The following SLC39A10 variants were observed in gnomAD, a reference collection of about 807,000 sequenced individuals.
SLC39A10 encodes solute carrier family 39 member 10, also known as zinc transporter ZIP10.
Under a neutral mutation model 65.1 loss-of-function variants are expected in SLC39A10, and 13 were observed. The observed-to-expected ratio is 0.20, with a 90% CI of 0.13 to 0.32. SLC39A10 has a LOEUF of 0.32. Among genes scored for constraint, SLC39A10 ranks in the 10% least tolerant of loss-of-function variants. The pLI is 1.00. For synonymous variants in SLC39A10, 321 were observed against 342.2 expected (o/e 0.94, Z 0.68); for missense variants, 831 against 1,018.4 (o/e 0.82, Z 2.50).
intron 9 of SLC39A10, among the ~76,000 whole-genome samples, chr2:195,729,756 A>G (rs1273831783): frequency 6.6e-6 from 1 of 151,922 alleles, no homozygotes; most frequent in Non-Finnish European, 1.5e-5. Context: ...CCCTTTAGCT[A>G]TCACCCTATT....
intron 2 of SLC39A10, among the ~76,000 whole-genome samples, chr2:195,627,330 C>T (rs975766404): frequency 6.6e-6 from 1 of 152,148 alleles, no homozygotes; most frequent in Non-Finnish European, 1.5e-5. Flanking sequence ...ATAGCTACAA[C>T]TTCAATAATT....
At position 195,728,728 on chromosome 2, in the gene SLC39A10, T is replaced by G. The variant is rs984842060; in HGVS notation, c.2337+379T>G. On this transcript the variant is annotated intron_variant, in intron 9 of 9. Transcript: ENST00000359634. The surrounding 1 kb of genome is among the most constrained non-coding windows in gnomAD (Gnocchi z 4.4). ...CTATTCCTGTTAGGTAAGCCAGTCT[T>G]CTGGAAGGAAGTGGTATATATTCCA... Among the ~76,000 whole-genome samples, 12 of 152,198 alleles carry G rather than the reference T, an allele frequency of 7.9e-5. No individual in the cohort carries two copies. The highest frequency in any genetic ancestry group is 1.5e-5 in the Non-Finnish European group (1 of 68,030).
intron 2 of SLC39A10, among the ~76,000 whole-genome samples, chr2:195,646,469 T>A: frequency 6.6e-6 from 1 of 152,188 alleles, no homozygotes; most frequent in East Asian, 1.9e-4. Flanking sequence ...GTTATGCAGC[T>A]CTGTAGGTCT....
At chr2:195,696,269 T>A (rs1414709312) in intron 3 of SLC39A10, among the ~76,000 whole-genome samples, 1 of 151,798 alleles carries the variant, frequency 6.6e-6, no homozygotes, top group Non-Finnish European at 1.5e-5. Context: ...CTATTTTGGG[T>A]TCCTTGCAGT....
intron 8 of SLC39A10, among the ~76,000 whole-genome samples, chr2:195,723,846 A>G (rs1692139744): frequency 1.3e-5 from 2 of 152,128 alleles, no homozygotes; most frequent in African/African-American, 4.8e-5. Context: ...TCATACCCCC[A>G]CACCTCAGCA....
intron 6 of SLC39A10, among the ~76,000 whole-genome samples, chr2:195,715,519 C>CTT (rs1419623765): frequency 9.0e-6 from 1 of 111,606 alleles, no homozygotes; most frequent in African/African-American, 3.7e-5. Context: ...GAGTGAGACT[C>CTT]TGTCTCAAAA....
intron 2 of SLC39A10, among the ~76,000 whole-genome samples, chr2:195,625,883 C>T (rs575887607): frequency 1.3e-5 from 2 of 152,278 alleles, no homozygotes; most frequent in South Asian, 4.1e-4. Flanking sequence ...CTCCAGGGAT[C>T]GAGCAATTCT....
chr2:195,665,800 A>AT (rs1689613164), intron 1 of SLC39A10, among the ~76,000 whole-genome samples: 1 of 151,998 alleles, frequency 6.6e-6, no homozygotes, highest in Non-Finnish European at 1.5e-5. Context: ...CTTGCAGCTG[A>AT]TTTTCAGTTC....
intron 2 of SLC39A10, among the ~76,000 whole-genome samples, chr2:195,628,817 A>G (rs569550589): frequency 1.4e-3 from 210 of 152,258 alleles, no homozygotes; most frequent in African/African-American, 4.5e-3. Context: ...TTCTTAAGCA[A>G]TGTTATCCAG....
At chr2:195,714,756 A>G (rs1450583730) in intron 6 of SLC39A10, among the ~76,000 whole-genome samples, 1 of 152,174 alleles carries the variant, frequency 6.6e-6, no homozygotes, top group Admixed American at 6.5e-5. Context: ...CTGTAATGCT[A>G]CAAACCTTTT....
At chr2:195,643,357 T>C (rs1338949710) in intron 2 of SLC39A10, among the ~76,000 whole-genome samples, 3 of 152,190 alleles carry the variant, frequency 2.0e-5, no homozygotes, top group Non-Finnish European at 4.4e-5. Flanking sequence ...CATACAAGGA[T>C]GTTCACTTAG....
rs374122771 is a variant in SLC39A10 at position 195,618,517 on chromosome 2, G to A, written c.-12+12284G>A. 6.6e-5 allele frequency among the ~76,000 whole-genome samples: 10 copies of A among 152,290 alleles called. No homozygotes were observed. The East Asian group carries it at 7.7e-4, about 12-fold the overall frequency. ...TTCAATCTGTATAGCTAGATGGATA[G>A]CTAATATTTTACATAGGTGTTGTCA... On this transcript the variant is annotated intron_variant, in intron 2 of 2. Coordinates refer to the SLC39A10 transcript ENST00000458054.
chr2:195,651,080 GTTT>G (rs35709403), intron 2 of SLC39A10, among the ~76,000 whole-genome samples: 1 of 142,654 alleles, frequency 7.0e-6, no homozygotes, highest in Non-Finnish European at 1.5e-5. Context: ...CAAAAAAAAT[GTTT>G]TTTTTTTTTT....
In SLC39A10 at chr2:195,718,848, C is replaced by T. The variant is rs76051191; in HGVS notation, c.2146+516C>T. ...GATAGATAGGTTCTTAACTCGGTTACTAACCAGCACTGAGGTTTTAGAGTA... is the reference window on the plus strand; with the variant it reads ...GATAGATAGGTTCTTAACTCGGTTATTAACCAGCACTGAGGTTTTAGAGTA... On this transcript the variant is annotated intron_variant, in intron 8 of 9. Coordinates refer to ENST00000359634, the MANE Select transcript of SLC39A10 (RefSeq NM_020342.3). Among the ~76,000 whole-genome samples, 1,325 of 152,136 alleles carry T rather than the reference C, an allele frequency of 8.7e-3. 18 individuals are homozygous for T. Among genetic ancestry groups the T allele is most frequent in the African/African-American group, 0.031 (1,280 of 41,530 alleles).
chr2:195,643,833 A>G (rs1406080382), intron 2 of SLC39A10, among the ~76,000 whole-genome samples: 1 of 152,234 alleles, frequency 6.6e-6, no homozygotes, highest in Non-Finnish European at 1.5e-5. Context: ...TCAGAACTTC[A>G]TTGTTACAGT....
chr2:195,691,888 A>G (rs1349146188), intron 3 of SLC39A10, among the ~76,000 whole-genome samples: 1 of 152,154 alleles, frequency 6.6e-6, no homozygotes, highest in Non-Finnish European at 1.5e-5. Flanking sequence ...CCATCTGTTT[A>G]TCTTTGTTTT....
At chr2:195,695,153 A>AC (rs1690899477) in intron 3 of SLC39A10, among the ~76,000 whole-genome samples, 1 of 151,672 alleles carries the variant, frequency 6.6e-6, no homozygotes, top group South Asian at 2.1e-4. Context: ...TTTTCTGGGG[A>AC]CCCCCTCCCA....
intron 9 of SLC39A10, among the ~76,000 whole-genome samples, chr2:195,730,987 C>G (rs185250297): frequency 5.3e-5 from 8 of 152,184 alleles, no homozygotes; most frequent in Non-Finnish European, 1.0e-4. Flanking sequence ...AAGCCACCAC[C>G]ATCTTTCTCT....
rs926082603 is a variant in SLC39A10, at chr2:195,631,462, C to T, written c.-12+25229C>T. Among the ~76,000 whole-genome samples, 8 of 152,116 alleles carry T rather than the reference C, an allele frequency of 5.3e-5. 1 individual carries two copies. In the South Asian group the frequency reaches 8.3e-4, roughly 16 times the overall value. On this transcript the variant is annotated intron_variant, in intron 2 of 2. Transcript: ENST00000458054. ...CTGTTAGTGCTTAAAAATACTTAAACATGCTATTGAATGAAAATATATTAA... is the reference window on the plus strand; with the variant it reads ...CTGTTAGTGCTTAAAAATACTTAAATATGCTATTGAATGAAAATATATTAA...
Sources: allele counts gnomAD v4.1 joint callset (sites outside exome capture counted in the v4.1 genomes callset), GRCh38; gene constraint gnomAD v4.1.1; non-coding constraint Gnocchi (gnomAD v3.1); transcripts MANE v1.5; gene names NCBI Gene and HGNC (gene_info 2026-07-23, HGNC 2026-07-21).